The following ADGRD1 variants were observed in gnomAD, a reference collection of about 807,000 sequenced individuals.
The protein encoded by ADGRD1 is adhesion G protein-coupled receptor D1, also known as G-protein coupled receptor 133.
A neutral mutation model predicts 113.4 loss-of-function variants in ADGRD1; 77 were observed. That is an observed-to-expected ratio of 0.68 (90% CI 0.57 to 0.82). The LOEUF is 0.82. ADGRD1 is among the 40% of genes least tolerant of loss of function. The pLI, the probability that ADGRD1 is intolerant of heterozygous loss-of-function variation, is 0.00. For synonymous variants in ADGRD1, 474 were observed against 475.0 expected, an observed-to-expected ratio of 1.00 and a Z score of 0.03; for missense variants, 1,036 against 1,139.1, an observed-to-expected ratio of 0.91 and a Z score of 1.30.
At chr12:131,104,509 A>G (rs1950181602) in intron 15 of ADGRD1, among the ~76,000 whole-genome samples, 1 of 152,168 alleles carries the variant, frequency 6.6e-6, no homozygotes, top group Non-Finnish European at 1.5e-5. Flanking sequence ...GTTAGTCTGC[A>G]GCCCTGTGTA....
At chr12:131,103,444 C>CT (rs1950142867) in intron 15 of ADGRD1, among the ~76,000 whole-genome samples, 1 of 152,284 alleles carries the variant, frequency 6.6e-6, no homozygotes, top group African/African-American at 2.4e-5. Context: ...ACCCAGGAAT[C>CT]TAGCACGTCT....
chr12:131,012,521 C>T (rs971791750), intron 12 of ADGRD1, among the ~76,000 whole-genome samples: 11 of 152,148 alleles, frequency 7.2e-5, no homozygotes, highest in Non-Finnish European at 1.6e-4. Flanking sequence ...TCTTTGTAAA[C>T]ACTTTGTATT....
chr12:131,023,027 G>A, intron 13 of ADGRD1: 1 of 152,038 alleles, frequency 6.6e-6, no homozygotes, highest in Non-Finnish European at 1.5e-5. Flanking sequence ...CCCAAAGTAG[G>A]AAACCTGTCT....
At chr12:130,959,678 T>G (rs115273788) in intron 2 of ADGRD1, among the ~76,000 whole-genome samples, 185 of 152,350 alleles carry the variant, frequency 1.2e-3, no homozygotes, top group African/African-American at 4.2e-3. Flanking sequence ...TGCATTCGGC[T>G]CACAGGTGGC....
chr12:131,037,722 CTCAG>C (rs1881664634), intron 13 of ADGRD1, among the ~76,000 whole-genome samples: 1 of 24,798 alleles, frequency 4.0e-5, no homozygotes, highest in Admixed American at 3.1e-4. Context: ...TACACCAGGT[CTCAG>C]TCACTGCACT....
At chr12:131,104,778 C>G in intron 15 of ADGRD1, 53 bp from the exon 16 acceptor site, 1 of 1,316,284 alleles carries the variant, frequency 7.6e-7, no homozygotes, top group East Asian at 2.5e-5. Context: ...CAGCTTCAGG[C>G]TCCGATGGGG....
chr12:131,002,906 T>G (rs956263670), intron 9 of ADGRD1: 15 of 942,792 alleles, frequency 1.6e-5, no homozygotes, highest in Non-Finnish European at 2.2e-5. Context: ...GACCAGGAGT[T>G]GGGTCCCCTC....
intron 2 of ADGRD1, among the ~76,000 whole-genome samples, chr12:130,956,177 G>C (rs1269036396): frequency 6.6e-6 from 1 of 152,214 alleles, no homozygotes. Flanking sequence ...TCCAGGGAGA[G>C]CCCCTTTCCT....
In ADGRD1 at chr12:130,971,034, C is replaced by T. The variant is rs556531624; in HGVS notation, c.188-424C>T. 5 of 153,864 alleles carry T rather than the reference C, an allele frequency of 3.2e-5. No individual in the cohort carries two copies. The highest frequency in any genetic ancestry group is 7.2e-5 in the African/African-American group (3 of 41,564). 9.5% of individuals were successfully genotyped at this position (153,864 alleles called of 1,614,324 possible). A position where few individuals can be genotyped will look rare whatever the true frequency, so the allele number is the denominator to read the frequency against. On this transcript the variant is annotated intron_variant, in intron 3 of 24. Transcript: ENST00000261654. This position sits in a 1 kb window ranked among gnomAD's most constrained non-coding sequence, Gnocchi z 4.2. ...CATGAGGACGGGAGTGGGGAGGGCT[C>T]GAAAAGCAGGTCGGCACAAAGTCCA... is the stretch of plus-strand genomic sequence containing the variant.
intron 12 of ADGRD1, among the ~76,000 whole-genome samples, chr12:131,011,948 G>A (rs1212424449): frequency 2.0e-5 from 3 of 152,166 alleles, no homozygotes; most frequent in Non-Finnish European, 4.4e-5. Flanking sequence ...TGGGCGCCGC[G>A]GGGCTTTGCC....
intron 19 of ADGRD1, among the ~76,000 whole-genome samples, chr12:131,120,335 C>A (rs777147937): frequency 5.1e-4 from 78 of 152,246 alleles, no homozygotes; most frequent in Non-Finnish European, 1.0e-3. Flanking sequence ...TTCTCAGAGG[C>A]CAGATCCTCA....
chr12:130,998,106 T>C (rs1463807805), intron 8 of ADGRD1, among the ~76,000 whole-genome samples: 2 of 148,234 alleles, frequency 1.3e-5, no homozygotes, highest in African/African-American at 2.5e-5. Context: ...GAGGTTGCAG[T>C]GAGCCGAGAT....
intron 13 of ADGRD1, among the ~76,000 whole-genome samples, chr12:131,073,934 A>G (rs530473957): frequency 1.3e-5 from 2 of 152,254 alleles, no homozygotes; most frequent in African/African-American, 4.8e-5. Flanking sequence ...TAAAGGCCCC[A>G]TCTCCCAACA....
intron 13 of ADGRD1, among the ~76,000 whole-genome samples, chr12:131,021,141 C>T (rs1173908515): frequency 6.6e-6 from 1 of 152,180 alleles, no homozygotes; most frequent in Non-Finnish European, 1.5e-5. Context: ...TACAGACATA[C>T]AGATCATTCA....
At chr12:131,066,403 G>C (rs1301264784) in intron 13 of ADGRD1, among the ~76,000 whole-genome samples, 1 of 152,150 alleles carries the variant, frequency 6.6e-6, no homozygotes, top group Non-Finnish European at 1.5e-5. Flanking sequence ...GCACCTTCCA[G>C]GCTGTGGGGC....
Position 131,131,162 on chromosome 12 carries a change from G to A in ADGRD1, c.2176-563G>A, listed in dbSNP as rs149930937. 3.9e-5 allele frequency among the ~76,000 whole-genome samples: 6 copies of A among 152,208 alleles called. No homozygotes were observed. In the East Asian group the frequency reaches 7.7e-4, roughly 20 times the overall value. ...CTCTGCCGGGGCCCCTCAGTGCCCC[G>A]CCCAGCCCCATAGGTCCCAACAGGA... is the stretch of plus-strand genomic sequence containing the variant. On this transcript the variant is annotated intron_variant, in intron 20 of 24. Transcript: ENST00000261654.
intron 12 of ADGRD1, among the ~76,000 whole-genome samples, chr12:131,008,604 C>T (rs879504198): frequency 2.6e-5 from 4 of 152,192 alleles, no homozygotes; most frequent in Non-Finnish European, 4.4e-5. Context: ...TGACCACCCA[C>T]GGCCCGGTGG....
rs1053914226 is a variant in ADGRD1 at position 130,966,137 on chromosome 12, C to T, written c.104-326C>T. Among the ~76,000 whole-genome samples, 1 of 152,180 alleles carries T rather than the reference C, an allele frequency of 6.6e-6. No individual in the cohort carries two copies. The highest frequency in any genetic ancestry group is 2.1e-4 in the South Asian group (1 of 4,828). ...TGGTAAATAACAGCGGGATATGGAA[C>T]ATTCTTATCTTTTCCTGACATGAAT... On this transcript the variant is annotated intron_variant, in intron 2 of 24. Transcript: ENST00000261654. This position sits in a 1 kb window ranked among gnomAD's most constrained non-coding sequence, Gnocchi z 4.6.
Position 131,084,456 on chromosome 12 carries a change from G to C in ADGRD1, c.1548-84G>C. The stretch of plus-strand genomic sequence containing the variant: ...CGCCGCCATGAGTTCACGGGGCCAT[G>C]TGTTATGGGGGGTGCTGCTCTCAGT... On this transcript the variant is annotated intron_variant, in intron 14 of 24. Coordinates refer to ENST00000261654, the MANE Select transcript of ADGRD1 (RefSeq NM_198827.5). The surrounding 1 kb of genome is among the most constrained non-coding windows in gnomAD (Gnocchi z 4.5). 2.0e-6 allele frequency: 3 copies of C among 1,478,166 alleles called. No individual in the cohort carries two copies. The Admixed American group carries it at 5.1e-5, about 25-fold the overall frequency. 91.6% of individuals were successfully genotyped at this position (1,478,166 alleles called of 1,614,324 possible).
Sources: allele counts gnomAD v4.1 joint callset (sites outside exome capture counted in the v4.1 genomes callset), GRCh38; gene constraint gnomAD v4.1.1; non-coding constraint Gnocchi (gnomAD v3.1); transcripts MANE v1.5; gene names NCBI Gene and HGNC (gene_info 2026-07-23, HGNC 2026-07-21).